Variants in NLE1 observed in about 807,000 individuals in gnomAD.
NLE1 encodes notchless protein homolog 1.
NLE1 carries 37 observed loss-of-function variants against 62.8 expected under a neutral mutation model. The ratio of observed to expected loss-of-function variants is 0.59; its 90% confidence interval spans 0.45 to 0.78. The LOEUF is 0.78. Among genes scored for constraint, NLE1 ranks in the 30% least tolerant of loss-of-function variants. NLE1 has a pLI of 0.00. For missense variants in NLE1, 555 were observed against 637.9 expected (o/e 0.87, Z 1.40); for synonymous variants, 243 against 253.0 (o/e 0.96, Z 0.37).
rs187705654 is a variant in NLE1 at position 35,136,174 on chromosome 17, C to A, written c.1006G>T (p.Val336Leu). 1.2e-6 allele frequency: 2 copies of A among 1,614,028 alleles called. No homozygotes were observed. The highest frequency in any genetic ancestry group is 2.7e-5 in the African/African-American group (2 of 74,904). ...CGTGGCTGGCACACACTCACCCGCA[C>A]GAGGTTGTATCGGCTCAGAGCCCTC... Reference protein sequence around the residue: ...KERALSRYNLVRGQGPERLVS... With the variant: ...KERALSRYNLLRGQGPERLVS... Residue 336 changes from valine to leucine, a missense_variant, in exon 9 of 13, where the codon GTG becomes TTG. Coordinates refer to ENST00000442241, the MANE Select transcript of NLE1 (RefSeq NM_018096.5).
At position 35,137,149 on chromosome 17, in the gene NLE1, C is replaced by T; in HGVS notation, c.680G>A (p.Ser227Asn). ...RYVASSSKDG[S>N]VRIWDTTAGR... ...TGCAGTTGTGTCCCAGATCCGCACA[C>T]TGCCATCCTTGGAGCTGCTGGCCAC... Residue 227 changes from serine (S) to asparagine (N), a missense_variant, in exon 7 of 13, where the codon AGT becomes AAT. By Grantham distance (46) the Ser-to-Asn change is conservative. Coordinates refer to ENST00000442241, the MANE Select transcript of NLE1 (RefSeq NM_018096.5). The T allele has an allele frequency of 1.2e-6, 2 of 1,612,958 alleles. No individual in the cohort carries two copies. The highest frequency in any genetic ancestry group is 1.7e-6 in the Non-Finnish European group (2 of 1,179,056).
chr17:35,130,548 CAG>C lies in NLE1; in HGVS notation c.*1887_*1888del. The C allele has an allele frequency of 1.2e-5, 14 of 1,181,662 alleles. No homozygotes were observed. Among genetic ancestry groups the C allele is most frequent in the East Asian group, 2.5e-5 (1 of 39,586 alleles). The allele number at this position is 1,181,662 out of a possible 1,614,324, so 73.2% of individuals were successfully genotyped here. Reference sequence around the variant, plus strand: ...AGCACCCTGCGGGCCCGGGGTCTGGCAGAGTGGTATGGGCACCCCACCCCTGG... The same window carrying C: ...AGCACCCTGCGGGCCCGGGGTCTGGCAGTGGTATGGGCACCCCACCCCTGG... On this transcript the variant is annotated 3_prime_UTR_variant, in exon 13 of 13. Coordinates refer to ENST00000442241, the MANE Select transcript of NLE1 (RefSeq NM_018096.5).
rs1393101070 is a variant in NLE1 at position 35,132,338 on chromosome 17, A to T, written c.*99T>A. ...CATTCTCAGGTCCCCACTGGTGGGG[A>T]GGGTGTGTGCACTGCCATCTCAGCC... is the stretch of plus-strand genomic sequence containing the variant. On this transcript the variant is annotated 3_prime_UTR_variant, in exon 13 of 13. Transcript: ENST00000442241. The T allele has an allele frequency of 9.4e-7, 1 of 1,064,522 alleles. No homozygotes were observed. Among genetic ancestry groups the T allele is most frequent in the African/African-American group, 1.7e-5 (1 of 60,536 alleles). 65.9% of individuals were successfully genotyped at this position (1,064,522 alleles called of 1,614,324 possible). A position where few individuals can be genotyped will look rare whatever the true frequency, so the allele number is the denominator to read the frequency against.
chr17:35,130,002 A>G lies in NLE1; in HGVS notation c.*2435T>C. 2.2e-6 allele frequency: 3 copies of G among 1,381,406 alleles called. No individual in the cohort carries two copies. Among genetic ancestry groups the G allele is most frequent in the Non-Finnish European group, 2.8e-6 (3 of 1,069,400 alleles). The allele number at this position is 1,381,406 out of a possible 1,614,324, so 85.6% of individuals were successfully genotyped here. ...AAAGAAATAGGGAAGACAAGAGGCTAAAGGGGGACGAAGAAGGGAACAGCC... is the reference window on the plus strand; with the variant it reads ...AAAGAAATAGGGAAGACAAGAGGCTGAAGGGGGACGAAGAAGGGAACAGCC... On this transcript the variant is annotated 3_prime_UTR_variant, in exon 13 of 13. Coordinates refer to ENST00000442241, the MANE Select transcript of NLE1 (RefSeq NM_018096.5).
rs546427094 is a variant in NLE1, at chr17:35,136,185, C to T, written c.995G>A (p.Arg332Gln). The T allele has an allele frequency of 4.3e-6, 7 of 1,614,146 alleles. No homozygotes were observed. Among genetic ancestry groups the T allele is most frequent in the East Asian group, 4.5e-5 (2 of 44,880 alleles). Residue 332 changes from arginine (R) to glutamine (Q), a missense_variant, in exon 9 of 13, where the codon CGA becomes CAA. Transcript: ENST00000442241. ...LQELKERALS[R>Q]YNLVRGQGPE... is the part of the protein sequence containing the mutation. The stretch of plus-strand genomic sequence containing the variant: ...CACACTCACCCGCACGAGGTTGTAT[C>T]GGCTCAGAGCCCTCTCCTTCAACTC...
intron 5 of NLE1, 70 bp downstream of exon 5, chr17:35,137,738 TCCTGAA>T: frequency 1.7e-6 from 1 of 584,282 alleles, no homozygotes; most frequent in South Asian, 1.4e-5. Flanking sequence ...CCCCAAAGAC[TCCTGAA>T]CCTGATTCTG....
Position 35,130,198 on chromosome 17 carries a change from A to T in NLE1, c.*2239T>A. The T allele has an allele frequency of 6.5e-7, 1 of 1,529,312 alleles. No homozygotes were observed. Among genetic ancestry groups the T allele is most frequent in the Non-Finnish European group, 8.8e-7 (1 of 1,140,880 alleles). The allele number at this position is 1,529,312 out of a possible 1,614,324, so 94.7% of individuals were successfully genotyped here. On this transcript the variant is annotated 3_prime_UTR_variant, in exon 13 of 13. Coordinates refer to ENST00000442241, the MANE Select transcript of NLE1 (RefSeq NM_018096.5). ...GTTTAAGGTCTGAGTCAGCAGACAG[A>T]AAAAAAAGGGGTGATAGAGACAGAG...
intron 3 of NLE1, 21 bp downstream of exon 3, chr17:35,139,828 T>G (rs752612280): frequency 6.2e-7 from 1 of 1,607,266 alleles, no homozygotes; most frequent in Non-Finnish European, 8.5e-7. Context: ...ACCCCCTCCA[T>G]GAGTCTGCAG....
Position 35,132,180 on chromosome 17 carries a change from TAC to T in NLE1, c.*255_*256del, listed in dbSNP as rs2091879591. 1 of 343,320 alleles carries T rather than the reference TAC, an allele frequency of 2.9e-6. No individual in the cohort carries two copies. Among genetic ancestry groups the T allele is most frequent in the South Asian group, 1.2e-4 (1 of 8,246 alleles). 21.3% of individuals were successfully genotyped at this position (343,320 alleles called of 1,614,324 possible). A position where few individuals can be genotyped will look rare whatever the true frequency, so the allele number is the denominator to read the frequency against. ...ACCACCCCTGTCTGTACCAGCAAGG[TAC>T]AGAGTAGCAGACACGGGCCAAGTTC... On this transcript the variant is annotated 3_prime_UTR_variant, in exon 13 of 13. Coordinates refer to ENST00000442241, the MANE Select transcript of NLE1 (RefSeq NM_018096.5).
chr17:35,132,873 G>A (rs1005068132), intron 12 of NLE1, among the ~76,000 whole-genome samples: 3 of 152,150 alleles, frequency 2.0e-5, no homozygotes, highest in Non-Finnish European at 2.9e-5. Flanking sequence ...ACCTGGATGC[G>A]CCCTCTACAA....
chr17:35,129,562 T>C lies in NLE1; in HGVS notation c.*2875A>G, dbSNP rs754276715. ...TCTTCAACAAGATTTTGGGCACTAC[T>C]GTCAAGCTGATGGAGCTAAAGCCTA... is the stretch of plus-strand genomic sequence containing the variant. On this transcript the variant is annotated 3_prime_UTR_variant, in exon 13 of 13. Transcript: ENST00000442241. 1.9e-6 allele frequency: 3 copies of C among 1,614,062 alleles called. No individual in the cohort carries two copies. Among genetic ancestry groups the C allele is most frequent in the African/African-American group, 2.7e-5 (2 of 74,918 alleles).
chr17:35,133,487 G>A lies in NLE1; in HGVS notation c.1226C>T (p.Ser409Phe), dbSNP rs761041022. 19 of 1,611,906 alleles carry A rather than the reference G, an allele frequency of 1.2e-5. No individual in the cohort carries two copies. The South Asian group carries it at 2.1e-4, about 18-fold the overall frequency. ...WDGRTGKYLA[S>F]LRGHVAAVYQ... ...CACGGCAGCCACGTGGCCGCGTAGG[G>A]AAGCCAGGTACCTGGTCCAGGAGAA... is the stretch of plus-strand genomic sequence containing the variant. Residue 409 changes from serine (S) to phenylalanine (F), a missense_variant, in exon 11 of 13, where the codon TCC (serine) becomes TTC (phenylalanine). Coordinates refer to ENST00000442241, the MANE Select transcript of NLE1 (RefSeq NM_018096.5).
intron 2 of NLE1, 32 bp downstream of exon 2, chr17:35,141,947 G>T (rs1263204972): frequency 2.6e-6 from 4 of 1,544,718 alleles, no homozygotes; most frequent in Non-Finnish European, 3.5e-6. Context: ...CCCGGGGGTG[G>T]AGATGCGAGG....
In NLE1 at chr17:35,142,033, G is replaced by C. The variant is rs34714758; in HGVS notation, c.108C>G (p.Pro36=). Residue 36 remains proline, a synonymous_variant, in exon 2 of 13, where the codon CCC becomes CCG. Transcript: ENST00000442241. ...GQLLGSPFDV[P]VDITPDRLQL... ...GCAGCCTGTCCGGGGTGATGTCCAC[G>C]GGCACGTCGAACGGGGAACCCAGCA... 8 of 1,610,274 alleles carry C rather than the reference G, an allele frequency of 5.0e-6. No homozygotes were observed. Among genetic ancestry groups the C allele is most frequent in the Admixed American group, 3.4e-5 (2 of 59,618 alleles).
rs1835184449 is a variant in NLE1 at position 35,139,228 on chromosome 17, T to C, written c.460+7A>G. On this transcript the variant is annotated splice_region_variant and intron_variant, in intron 4 of 12. Coordinates refer to ENST00000442241, the MANE Select transcript of NLE1 (RefSeq NM_018096.5). ...AAGACCCCCTAAATGGCTAATTGCA[T>C]ACTGACCCTTGCATGTGAAATGTGG... is the stretch of plus-strand genomic sequence containing the variant. 1.2e-6 allele frequency: 2 copies of C among 1,612,924 alleles called. No homozygotes were observed. The highest frequency in any genetic ancestry group is 1.7e-5 in the Admixed American group (1 of 60,000).
intron 10 of NLE1, among the ~76,000 whole-genome samples, chr17:35,134,168 C>A (rs2091894572): frequency 6.6e-6 from 1 of 152,128 alleles, no homozygotes; most frequent in South Asian, 2.1e-4. Context: ...CACCTGGTAA[C>A]TTTGTTAAAA....
Position 35,132,296 on chromosome 17 carries a change from G to A in NLE1, c.*141C>T, listed in dbSNP as rs527630753. 13 of 631,034 alleles carry A rather than the reference G, an allele frequency of 2.1e-5. No homozygotes were observed. In the South Asian group the frequency reaches 4.3e-4, roughly 21 times the overall value. 39.1% of individuals were successfully genotyped at this position (631,034 alleles called of 1,614,324 possible). On this transcript the variant is annotated 3_prime_UTR_variant, in exon 13 of 13. Coordinates refer to ENST00000442241, the MANE Select transcript of NLE1 (RefSeq NM_018096.5). ...GGAAAACCCCATTCCGGTCTATCGA[G>A]GACAGCAGGCCACACGCATTCTCAG...
Position 35,136,375 on chromosome 17 carries a change from G to A in NLE1, c.951C>T (p.Asp317=), listed in dbSNP as rs1376666836. 6 of 1,613,496 alleles carry A rather than the reference G, an allele frequency of 3.7e-6. No homozygotes were observed. Among genetic ancestry groups the A allele is most frequent in the South Asian group, 1.1e-5 (1 of 91,072 alleles). The change falls in exon 8 of 13, where the codon GAC becomes GAT. Residue 317 remains aspartate (D), a synonymous_variant. Coordinates refer to ENST00000442241, the MANE Select transcript of NLE1 (RefSeq NM_018096.5). ...EPAEASVNPQ[D]LQGSLQELKE... is the part of the protein sequence containing the mutation. Reference sequence around the variant, plus strand: ...CCAATCACTCACAGGATCCTTGGAGGTCTTGGGGATTAACTGAGGCCTCAG... The same window carrying A: ...CCAATCACTCACAGGATCCTTGGAGATCTTGGGGATTAACTGAGGCCTCAG...
chr17:35,129,282 T>G lies in NLE1; in HGVS notation c.*3155A>C. 1 of 1,087,820 alleles carries G rather than the reference T, an allele frequency of 9.2e-7. No individual in the cohort carries two copies. The highest frequency in any genetic ancestry group is 1.3e-6 in the Non-Finnish European group (1 of 748,534). The allele number at this position is 1,087,820 out of a possible 1,614,324, so 67.4% of individuals were successfully genotyped here. ...GTTCCACACTCAGTGCTGCAGTACC[T>G]TGCACCTTCCATCTGACCTGCCTGG... is the stretch of plus-strand genomic sequence containing the variant. On this transcript the variant is annotated 3_prime_UTR_variant, in exon 13 of 13. Transcript: ENST00000442241.
Sources: allele counts gnomAD v4.1 joint callset (sites outside exome capture counted in the v4.1 genomes callset), GRCh38; gene constraint gnomAD v4.1.1; transcripts MANE v1.5; gene names NCBI Gene and HGNC (gene_info 2026-07-23, HGNC 2026-07-21).